The following SHB variants were observed in gnomAD, a reference collection of about 807,000 sequenced individuals.
SHB encodes SH2 domain containing adaptor protein B.
A neutral mutation model predicts 52.3 loss-of-function variants in SHB; 20 were observed. The observed-to-expected ratio is 0.38, with a 90% CI of 0.27 to 0.56. SHB has a LOEUF of 0.56. Ranked by LOEUF, SHB falls within the 20% of genes least tolerant of loss-of-function variation. The probability of loss-of-function intolerance (pLI) is 0.71; values close to 1 mark genes in which losing one functional copy is unlikely to be tolerated. For synonymous variants in SHB, 397 were observed against 316.5 expected, an observed-to-expected ratio of 1.25 and a Z score of -2.70; for missense variants, 825 against 723.3, an observed-to-expected ratio of 1.14 and a Z score of -1.61.
chr9:37,962,527 G>C (rs1005492248), intron 3 of SHB, among the ~76,000 whole-genome samples: 2 of 149,342 alleles, frequency 1.3e-5, no homozygotes, highest in Non-Finnish European at 3.0e-5. Context: ...TTTTTTAAGA[G>C]ACAGGGTCTC....
chr9:38,036,235 T>G (rs1821485764), intron 1 of SHB, among the ~76,000 whole-genome samples: 1 of 152,122 alleles, frequency 6.6e-6, no homozygotes, highest in African/African-American at 2.4e-5. Flanking sequence ...CTCTAACGCA[T>G]GGGGCACTGC....
intron 3 of SHB, among the ~76,000 whole-genome samples, chr9:37,968,613 A>C (rs1419623342): frequency 6.6e-6 from 1 of 152,214 alleles, no homozygotes; most frequent in Non-Finnish European, 1.5e-5. Flanking sequence ...TCAGATGGTG[A>C]ATCGAAATGA....
Position 38,067,986 on chromosome 9 carries a change from C to A in SHB, c.660G>T (p.Leu220=). 6.5e-7 allele frequency: 1 copy of A among 1,548,906 alleles called. No individual in the cohort carries two copies. Among genetic ancestry groups the A allele is most frequent in the Non-Finnish European group, 8.6e-7 (1 of 1,157,090 alleles). The change falls in exon 1 of 6, where the codon CTG becomes CTT. Residue 220 remains leucine (L), a synonymous_variant. Coordinates refer to ENST00000377707, the MANE Select transcript of SHB (RefSeq NM_003028.3). ...CGGCTGAGGCGGCGCACTTGTTGAGCAGTTTCTTGCCTCCGCAGGCCGTCG... is the reference window on the plus strand; with the variant it reads ...CGGCTGAGGCGGCGCACTTGTTGAGAAGTTTCTTGCCTCCGCAGGCCGTCG... ...WSPTACGGKK[L]LNKCAASAAE... is the part of the protein sequence containing the mutation.
chr9:38,020,393 T>C (rs1821266946), intron 1 of SHB, among the ~76,000 whole-genome samples: 1 of 152,202 alleles, frequency 6.6e-6, no homozygotes, highest in Admixed American at 6.5e-5. Context: ...TGGGAAACAA[T>C]AAGCTAGAGC....
chr9:38,056,970 G>C (rs1216403172), intron 1 of SHB, among the ~76,000 whole-genome samples: 2 of 152,324 alleles, frequency 1.3e-5, no homozygotes, highest in Admixed American at 6.5e-5. Flanking sequence ...AGAATTCCGA[G>C]GATTGTGTGA....
chr9:37,998,831 C>T (rs745340838), intron 2 of SHB, among the ~76,000 whole-genome samples: 87 of 152,364 alleles, frequency 5.7e-4, no homozygotes, highest in Non-Finnish European at 1.0e-3. Flanking sequence ...AGCCATTAAA[C>T]TGACTTCAAA....
intron 1 of SHB, among the ~76,000 whole-genome samples, chr9:38,028,863 T>C (rs1332136879): frequency 6.6e-6 from 1 of 152,238 alleles, no homozygotes; most frequent in African/African-American, 2.4e-5. Flanking sequence ...AGCACACAGA[T>C]GCATGCTCTC....
At chr9:38,012,835 T>C (rs1165511814) in intron 2 of SHB, among the ~76,000 whole-genome samples, 1 of 150,050 alleles carries the variant, frequency 6.7e-6, no homozygotes, top group Non-Finnish European at 1.5e-5. Context: ...ACATAAAATG[T>C]AATATCATCC....
At chr9:38,047,459 A>T (rs1334280389) in intron 1 of SHB, among the ~76,000 whole-genome samples, 3 of 152,168 alleles carry the variant, frequency 2.0e-5, no homozygotes, top group Non-Finnish European at 4.4e-5. Flanking sequence ...TTCACTGAGC[A>T]CCTGTCCTGT....
chr9:37,988,388 C>T (rs138610609), intron 2 of SHB, among the ~76,000 whole-genome samples: 1 of 152,284 alleles, frequency 6.6e-6, no homozygotes, highest in Non-Finnish European at 1.5e-5. Context: ...GTTTCTCAGT[C>T]TGCTTCTACA....
chr9:37,991,142 G>C (rs571860109), intron 2 of SHB, among the ~76,000 whole-genome samples: 1 of 152,292 alleles, frequency 6.6e-6, no homozygotes, highest in East Asian at 1.9e-4. Flanking sequence ...ATCAATATCT[G>C]TGACAGCACT....
intron 2 of SHB, among the ~76,000 whole-genome samples, chr9:38,013,991 G>A (rs1821177153): frequency 6.6e-6 from 1 of 152,172 alleles, no homozygotes; most frequent in Non-Finnish European, 1.5e-5. Flanking sequence ...ATGGAGTCTG[G>A]TCCCTGGCAG....
intron 2 of SHB, 22 bp from the exon 3 acceptor site, chr9:37,974,859 G>T (rs1820636791): frequency 6.3e-7 from 1 of 1,596,722 alleles, no homozygotes. Context: ...AAGGAAGGAA[G>T]CAGAGATGAA....
At chr9:38,021,808 A>T (rs1173938838) in intron 1 of SHB, among the ~76,000 whole-genome samples, 2 of 152,208 alleles carry the variant, frequency 1.3e-5, no homozygotes, top group African/African-American at 4.8e-5. Flanking sequence ...CCTGTGTCAC[A>T]CACCACACTG....
chr9:38,007,345 GA>G (rs1390737464), intron 2 of SHB, among the ~76,000 whole-genome samples: 1 of 152,234 alleles, frequency 6.6e-6, no homozygotes, highest in East Asian at 1.9e-4. Flanking sequence ...GAAGAGAAAT[GA>G]AGATGGGTGA....
chr9:37,990,290 C>T (rs1309776033), intron 2 of SHB, among the ~76,000 whole-genome samples: 2 of 152,152 alleles, frequency 1.3e-5, no homozygotes, highest in Non-Finnish European at 2.9e-5. Context: ...GAATCCAATA[C>T]TCCCACTGTC....
In SHB at chr9:38,055,104, T is replaced by C. The variant is rs147990555; in HGVS notation, c.717+12825A>G. 6.9e-3 allele frequency among the ~76,000 whole-genome samples: 1,047 copies of C among 152,332 alleles called. 9 individuals are homozygous for C. The highest frequency in any genetic ancestry group is 0.024 in the African/African-American group (1,004 of 41,574). Reference sequence around the variant, plus strand: ...GGAAACTGAAATTTGTAAAATGCTATGCAGGTAATTTTACTGTGCTGCCAG... The same window carrying C: ...GGAAACTGAAATTTGTAAAATGCTACGCAGGTAATTTTACTGTGCTGCCAG... On this transcript the variant is annotated intron_variant, in intron 1 of 5. Transcript: ENST00000377707.
chr9:38,034,210 GA>G (rs1325984408), intron 1 of SHB, among the ~76,000 whole-genome samples: 1 of 152,178 alleles, frequency 6.6e-6, no homozygotes, highest in African/African-American at 2.4e-5. Flanking sequence ...AGGTAGACAG[GA>G]GGAAGAAATA....
At chr9:37,978,869 A>C (rs963119291) in intron 2 of SHB, among the ~76,000 whole-genome samples, 5 of 152,238 alleles carry the variant, frequency 3.3e-5, no homozygotes, top group African/African-American at 1.2e-4. Flanking sequence ...AAATGTAATT[A>C]AGATGAGCAC....
Sources: allele counts gnomAD v4.1 joint callset (sites outside exome capture counted in the v4.1 genomes callset), GRCh38; gene constraint gnomAD v4.1.1; transcripts MANE v1.5; gene names NCBI Gene and HGNC (gene_info 2026-07-23, HGNC 2026-07-21).